The following STX18 variants were observed in gnomAD, a reference collection of about 807,000 sequenced individuals.
The protein encoded by STX18 is syntaxin-18.
Under a neutral mutation model 50.1 loss-of-function variants are expected in STX18, and 40 were observed. That is an observed-to-expected ratio of 0.80 (90% CI 0.62 to 1.04). The LOEUF (loss-of-function observed/expected upper bound fraction) is 1.04. Ranked by LOEUF, STX18 falls within the 50% of genes least tolerant of loss-of-function variation. The pLI, the probability that STX18 is intolerant of heterozygous loss-of-function variation, is 0.00. For missense variants in STX18, 410 were observed against 415.8 expected, an observed-to-expected ratio of 0.99 and a Z score of 0.12; for synonymous variants, 158 against 151.8, an observed-to-expected ratio of 1.04 and a Z score of -0.30.
chr4:4,422,127 C>T (rs1724999669), intron 9 of STX18, among the ~76,000 whole-genome samples: 1 of 152,190 alleles, frequency 6.6e-6, no homozygotes, highest in Non-Finnish European at 1.5e-5. Context: ...ACTGGGATGG[C>T]TTTGCCTCAT....
chr4:4,459,815 A>G (rs73086257), intron 2 of STX18, among the ~76,000 whole-genome samples: 7,713 of 152,226 alleles, frequency 0.051, 646 homozygotes, highest in African/African-American at 0.17. Context: ...TTTGAGAACA[A>G]TGGCGCAGCT....
chr4:4,424,104 CATTT>C (rs1199630166), intron 8 of STX18, among the ~76,000 whole-genome samples: 2 of 139,808 alleles, frequency 1.4e-5, no homozygotes, highest in African/African-American at 6.7e-5. Context: ...TCCTCTGATT[CATTT>C]AGAAAATGCC....
intron 2 of STX18, chr4:4,462,004 G>A (rs779838114): frequency 2.2e-6 from 1 of 456,176 alleles, no homozygotes; most frequent in Non-Finnish European, 4.4e-6. Context: ...CTGCGCAGTG[G>A]CACTAATGCC....
intron 1 of STX18, among the ~76,000 whole-genome samples, chr4:4,523,635 C>A (rs1370172308): frequency 1.3e-5 from 2 of 152,170 alleles, no homozygotes; most frequent in Admixed American, 1.3e-4. Flanking sequence ...CGAGTCTACT[C>A]CCTAGCTCTA....
chr4:4,465,275 A>G lies in STX18; in HGVS notation c.237-5788T>C, dbSNP rs113569260. Among the ~76,000 whole-genome samples the G allele has an allele frequency of 2.5e-3, 376 of 152,334 alleles. 1 individual carries two copies. Among genetic ancestry groups the G allele is most frequent in the African/African-American group, 8.5e-3 (352 of 41,570 alleles). On this transcript the variant is annotated intron_variant, in intron 2 of 10. Transcript: ENST00000306200. ...TACCCAAAGGGATACAAATCATTCT[A>G]TTATAAAGACACATGGACAAGTACT...
At chr4:4,487,652 C>A (rs1174705710) in intron 1 of STX18, among the ~76,000 whole-genome samples, 3 of 152,138 alleles carry the variant, frequency 2.0e-5, no homozygotes, top group Non-Finnish European at 4.4e-5. Context: ...TCTGTCGCCT[C>A]CCCCCTGCCA....
chr4:4,481,679 T>G (rs1000848527), intron 1 of STX18: 2 of 152,152 alleles, frequency 1.3e-5, no homozygotes, highest in African/African-American at 4.8e-5. Flanking sequence ...AATGCATCAA[T>G]AGCAATTACT....
intron 7 of STX18, among the ~76,000 whole-genome samples, chr4:4,431,408 T>C (rs1243637655): frequency 6.6e-6 from 1 of 152,214 alleles, no homozygotes; most frequent in Non-Finnish European, 1.5e-5. Context: ...TATTTGGCTG[T>C]AGGACGGGAA....
Position 4,422,590 on chromosome 4 carries a change from GA to G in STX18, c.831+927del, listed in dbSNP as rs1166863849. On this transcript the variant is annotated intron_variant, in intron 9 of 10. Transcript: ENST00000306200. ...TCTCCAAAAAAAAAAAAAAGAAAAA[GA>G]AAAAAAAAGAAAAGAAAAAGAAACT... Among the ~76,000 whole-genome samples, 780 of 148,494 alleles carry G rather than the reference GA, an allele frequency of 5.3e-3. 7 individuals carry two copies. The highest frequency in any genetic ancestry group is 0.019 in the African/African-American group (752 of 40,426).
intron 2 of STX18, among the ~76,000 whole-genome samples, chr4:4,466,903 C>G (rs1172754203): frequency 6.6e-6 from 1 of 151,878 alleles, no homozygotes; most frequent in Non-Finnish European, 1.5e-5. Flanking sequence ...TTTTAAAAGC[C>G]AGTTTGGTGG....
chr4:4,419,616 G>GT lies in STX18; in HGVS notation c.*417dup, dbSNP rs1724817865. The GT allele has an allele frequency of 6.3e-6, 1 of 157,498 alleles. No individual in the cohort carries two copies. The highest frequency in any genetic ancestry group is 6.4e-5 in the Admixed American group (1 of 15,676). The allele number at this position is 157,498 out of a possible 1,614,324, so 9.8% of individuals were successfully genotyped here. On this transcript the variant is annotated 3_prime_UTR_variant, in exon 11 of 11. Transcript: ENST00000306200. ...AAGAAGTAATCATTTGTTGAGAGAC[G>GT]TTATTAACTATGATCTTCCCTGAAG...
Position 4,487,671 on chromosome 4 carries a change from A to C in STX18, c.169-15965T>G, listed in dbSNP as rs370403650. Among the ~76,000 whole-genome samples, 27 of 152,352 alleles carry C rather than the reference A, an allele frequency of 1.8e-4. No homozygotes were observed. The South Asian group carries it at 2.9e-3, about 16-fold the overall frequency. On this transcript the variant is annotated intron_variant, in intron 1 of 10. Transcript: ENST00000306200. Reference sequence around the variant, plus strand: ...TCGCCTCCCCCCTGCCAAACCCATGAAAACAAACCCATCAATTTTATTTAG... The same window carrying C: ...TCGCCTCCCCCCTGCCAAACCCATGCAAACAAACCCATCAATTTTATTTAG...
chr4:4,498,000 G>A (rs749671492), intron 1 of STX18, among the ~76,000 whole-genome samples: 11 of 152,154 alleles, frequency 7.2e-5, no homozygotes, highest in Non-Finnish European at 1.6e-4. Flanking sequence ...CAAAGAAAGG[G>A]ATGATTACCA....
chr4:4,507,242 T>TTACAGTG (rs1244035707), intron 1 of STX18: 1 of 662,442 alleles, frequency 1.5e-6, no homozygotes, highest in African/African-American at 1.8e-5. Flanking sequence ...AACCCATACT[T>TTACAGTG]TACAGTGTAC....
intron 1 of STX18, among the ~76,000 whole-genome samples, chr4:4,493,586 A>G (rs1729041033): frequency 6.6e-6 from 1 of 152,214 alleles, no homozygotes; most frequent in Non-Finnish European, 1.5e-5. Flanking sequence ...TAGGCTGCAC[A>G]CTTCCACAGC....
intron 1 of STX18, among the ~76,000 whole-genome samples, chr4:4,483,940 C>T: frequency 6.6e-6 from 1 of 152,092 alleles, no homozygotes; most frequent in East Asian, 1.9e-4. Context: ...CAGCTCACTG[C>T]AACCTCCACC....
chr4:4,423,228 C>A (rs1343865209), intron 9 of STX18, among the ~76,000 whole-genome samples: 2 of 152,224 alleles, frequency 1.3e-5, no homozygotes, highest in Non-Finnish European at 1.5e-5. Context: ...ACATCCAGAA[C>A]CCTGACTGCC....
intron 5 of STX18, among the ~76,000 whole-genome samples, chr4:4,442,217 G>A (rs902419506): frequency 1.3e-5 from 2 of 151,914 alleles, no homozygotes; most frequent in African/African-American, 2.4e-5. Context: ...TGGGATAATC[G>A]GTAGTTATAT....
intron 1 of STX18, among the ~76,000 whole-genome samples, chr4:4,518,843 C>G (rs1392382345): frequency 2.0e-5 from 3 of 152,146 alleles, no homozygotes. Flanking sequence ...CATTAACGCT[C>G]TAAATAAATT....
Sources: gnomAD v4.1 joint callset for allele counts (sites outside exome capture counted in the v4.1 genomes callset) on GRCh38, gnomAD v4.1.1 for gene constraint, MANE v1.5 for transcripts, NCBI Gene and HGNC (gene_info 2026-07-23, HGNC 2026-07-21) for gene names.